Variants in MIB1 observed in about 807,000 individuals in gnomAD.
The protein encoded by MIB1 is E3 ubiquitin-protein ligase MIB1.
In MIB1, 278 loss-of-function variants were observed where a neutral mutation model predicts 124.5. The observed-to-expected ratio is 2.23, with a 90% CI of 2.02 to 2.47. The LOEUF is 2.47. Ranked by LOEUF, MIB1 falls within the 30% of genes most tolerant of loss-of-function variation. The pLI is 0.00. For synonymous variants in MIB1, 446 were observed against 429.4 expected (o/e 1.04, Z -0.48); for missense variants, 957 against 1,254.4 (o/e 0.76, Z 3.58).
chr18:21,722,687 C>T (rs1040909006), intron 1 of MIB1, among the ~76,000 whole-genome samples: 2 of 152,032 alleles, frequency 1.3e-5, no homozygotes, highest in African/African-American at 4.8e-5. Context: ...GTTTTTATGA[C>T]CTTGACATGC....
intron 6 of MIB1, among the ~76,000 whole-genome samples, chr18:21,781,019 C>G (rs558712787): frequency 6.6e-6 from 1 of 152,078 alleles, no homozygotes; most frequent in Non-Finnish European, 1.5e-5. Flanking sequence ...TTCCCCTTTT[C>G]GTGTGTTCTT....
chr18:21,711,577 C>T (rs1037983176), intron 1 of MIB1, among the ~76,000 whole-genome samples: 2 of 152,008 alleles, frequency 1.3e-5, no homozygotes, highest in Non-Finnish European at 2.9e-5. Flanking sequence ...GCCACTGCGC[C>T]CAGCCAGACC....
chr18:21,854,010 CT>C (rs57823998), intron 18 of MIB1, among the ~76,000 whole-genome samples: 2,180 of 83,406 alleles, frequency 0.026, 685 homozygotes, highest in Middle Eastern at 0.13. Context: ...GAGACTCAGT[CT>C]TAAAAAAAAA....
chr18:21,792,360 C>G (rs951740387), intron 7 of MIB1, among the ~76,000 whole-genome samples: 2 of 152,062 alleles, frequency 1.3e-5, no homozygotes, highest in African/African-American at 4.8e-5. Flanking sequence ...CTATTACCCC[C>G]ACTCTACTGT....
At chr18:21,785,990 C>T (rs2146435684) in intron 6 of MIB1, among the ~76,000 whole-genome samples, 1 of 152,070 alleles carries the variant, frequency 6.6e-6, no homozygotes, top group African/African-American at 2.4e-5. Context: ...TGAATTGGTG[C>T]TCTTTTATGT....
chr18:21,845,775 C>T (rs1436055696), intron 15 of MIB1, among the ~76,000 whole-genome samples: 1 of 152,058 alleles, frequency 6.6e-6, no homozygotes, highest in Non-Finnish European at 1.5e-5. Flanking sequence ...AGGTGCACAC[C>T]ACCACACCTG....
chr18:21,853,012 G>A (rs544976232), intron 17 of MIB1, 128 bp from the exon 18 acceptor site: 1 of 634,240 alleles, frequency 1.6e-6, no homozygotes, highest in African/African-American at 1.8e-5. Flanking sequence ...GGAGGAAAGT[G>A]TGTGTTAAAT....
rs191755801 is a variant in MIB1, at chr18:21,827,826, A to T, written c.1829+8180A>T. On this transcript the variant is annotated intron_variant, in intron 12 of 20. Coordinates refer to ENST00000261537, the MANE Select transcript of MIB1 (RefSeq NM_020774.4). ...AACTAGTCTTATTAAACAGAAAATGAACTATAGTTAAACTTAGTCATTTCC... is the reference window on the plus strand; with the variant it reads ...AACTAGTCTTATTAAACAGAAAATGTACTATAGTTAAACTTAGTCATTTCC... 34 of 152,140 alleles carry T rather than the reference A, an allele frequency of 2.2e-4. 2 individuals carry two copies. In the East Asian group the frequency reaches 6.4e-3, roughly 28 times the overall value. The allele number at this position is 152,140 out of a possible 1,614,324, so 9.4% of individuals were successfully genotyped here.
chr18:21,841,924 A>G (rs957560798), intron 13 of MIB1, among the ~76,000 whole-genome samples: 3 of 152,032 alleles, frequency 2.0e-5, no homozygotes, highest in African/African-American at 7.2e-5. Context: ...GGAAACTTAA[A>G]GAAAAATCCC....
At chr18:21,795,517 G>A (rs1336790869) in intron 7 of MIB1, among the ~76,000 whole-genome samples, 1 of 150,638 alleles carries the variant, frequency 6.6e-6, no homozygotes, top group Non-Finnish European at 1.5e-5. Flanking sequence ...AAGGGAATAG[G>A]ATGATATAAG....
At chr18:21,712,411 T>C (rs755217783) in intron 1 of MIB1, among the ~76,000 whole-genome samples, 1 of 152,176 alleles carries the variant, frequency 6.6e-6, no homozygotes, top group Non-Finnish European at 1.5e-5. Flanking sequence ...TAATGGGATG[T>C]CAACACTCCT....
At chr18:21,847,468 G>A (rs2042145065) in intron 16 of MIB1, among the ~76,000 whole-genome samples, 1 of 152,058 alleles carries the variant, frequency 6.6e-6, no homozygotes, top group South Asian at 2.1e-4. Context: ...AATGTTACAT[G>A]TATTTTAAAT....
intron 1 of MIB1, among the ~76,000 whole-genome samples, chr18:21,757,817 T>G (rs1277871575): frequency 6.6e-6 from 1 of 152,098 alleles, no homozygotes; most frequent in Non-Finnish European, 1.5e-5. Context: ...ATGTCTGAGA[T>G]TTATTTGAAT....
intron 10 of MIB1, among the ~76,000 whole-genome samples, chr18:21,805,900 CTTTT>C (rs35904303): frequency 2.9e-5 from 3 of 105,112 alleles, no homozygotes; most frequent in Non-Finnish European, 1.8e-5. Flanking sequence ...TCTTTCTTTC[CTTTT>C]TTTTTTTTTT....
intron 1 of MIB1, among the ~76,000 whole-genome samples, chr18:21,760,998 T>G (rs1202331805): frequency 1.3e-5 from 2 of 152,246 alleles, no homozygotes; most frequent in Non-Finnish European, 2.9e-5. Context: ...TATTTGATAT[T>G]AATTGTGGTA....
chr18:21,800,329 ATTT>A lies in MIB1; in HGVS notation c.1371+358_1371+360del, dbSNP rs556415142. On this transcript the variant is annotated intron_variant, in intron 9 of 20. Transcript: ENST00000261537. ...GAATTTTATAAGCAATTTTCTTTTTATTTTTAATTTTTGTGAGTACATAGCAGA... is the reference window on the plus strand; with the variant it reads ...GAATTTTATAAGCAATTTTCTTTTTATTAATTTTTGTGAGTACATAGCAGA... Among the ~76,000 whole-genome samples the A allele has an allele frequency of 3.0e-4, 45 of 151,678 alleles. No homozygotes were observed. In the East Asian group the frequency reaches 8.5e-3, roughly 29 times the overall value.
intron 12 of MIB1, chr18:21,827,830 A>G (rs1281392703): frequency 2.0e-5 from 3 of 152,022 alleles, no homozygotes; most frequent in Non-Finnish European, 4.4e-5. Flanking sequence ...AAAATGAACT[A>G]TAGTTAAACT....
intron 1 of MIB1, among the ~76,000 whole-genome samples, chr18:21,714,563 G>A (rs1362732018): frequency 6.6e-6 from 1 of 152,134 alleles, no homozygotes; most frequent in Admixed American, 6.6e-5. Flanking sequence ...GCCTTTCGGT[G>A]CACTACAACT....
At chr18:21,749,641 CTTTTT>C (rs10653364) in intron 1 of MIB1, among the ~76,000 whole-genome samples, 3 of 114,582 alleles carry the variant, frequency 2.6e-5, no homozygotes, top group Admixed American at 8.9e-5. Flanking sequence ...CTACCTTACT[CTTTTT>C]TTTTTTTTTT....
Sources: allele counts gnomAD v4.1 joint callset (sites outside exome capture counted in the v4.1 genomes callset), GRCh38; gene constraint gnomAD v4.1.1; transcripts MANE v1.5; gene names NCBI Gene and HGNC (gene_info 2026-07-23, HGNC 2026-07-21).